NKAIN1: variants seen among roughly 807,000 people sequenced by gnomAD.
NKAIN1 encodes sodium/potassium-transporting ATPase subunit beta-1-interacting protein 1.
NKAIN1 carries 13 observed loss-of-function variants against 31.6 expected under a neutral mutation model. That is an observed-to-expected ratio of 0.41 (90% CI 0.27 to 0.65). The LOEUF (loss-of-function observed/expected upper bound fraction) is 0.65. Ranked by LOEUF, NKAIN1 falls within the 30% of genes least tolerant of loss-of-function variation. The probability of loss-of-function intolerance (pLI) is 0.30; values close to 1 mark genes in which losing one functional copy is unlikely to be tolerated. For missense variants in NKAIN1, 193 were observed against 262.2 expected, an observed-to-expected ratio of 0.74 and a Z score of 1.82; for synonymous variants, 104 against 109.0, an observed-to-expected ratio of 0.95 and a Z score of 0.28.
chr1:31,196,518 A>AAAAAC, intron 1 of NKAIN1, among the ~76,000 whole-genome samples: 1 of 147,822 alleles, frequency 6.8e-6, no homozygotes, highest in South Asian at 2.2e-4. Context: ...TACTCAAAAA[A>AAAAAC]AAAAAAAAAA....
rs150152994 is a variant in NKAIN1, at chr1:31,200,107, G to A, written c.55-11920C>T. 1.4e-3 allele frequency among the ~76,000 whole-genome samples: 209 copies of A among 152,094 alleles called. 6 individuals are homozygous for A. The East Asian group carries it at 0.032, about 23-fold the overall frequency. On this transcript the variant is annotated intron_variant, in intron 1 of 6. Transcript: ENST00000373736. Reference sequence around the variant, plus strand: ...CGCACACGCATTCACACACACGCACGCACGCACACCCCTCTCTCCTGTCTT... The same window carrying A: ...CGCACACGCATTCACACACACGCACACACGCACACCCCTCTCTCCTGTCTT...
At chr1:31,232,422 T>TAGAGAGAGAGAGAGAG (rs1645658712) in intron 1 of NKAIN1, among the ~76,000 whole-genome samples, 1 of 25,806 alleles carries the variant, frequency 3.9e-5, no homozygotes, top group African/African-American at 1.2e-4. Context: ...TATATATATA[T>TAGAGAGAGAGAGAGAG]ATAGAGAGAG....
rs182374300 is a variant in NKAIN1 at position 31,193,314 on chromosome 1, C to T, written c.55-5127G>A. On this transcript the variant is annotated intron_variant, in intron 1 of 6. Transcript: ENST00000373736. ...CCATCTCCTGACTTTGTGATCCACC[C>T]GCCTCAGCCTCCCAAAGTGCTGGGA... Among the ~76,000 whole-genome samples the T allele has an allele frequency of 4.1e-3, 623 of 151,466 alleles. 35 individuals carry two copies. In the East Asian group the frequency reaches 0.099, roughly 24 times the overall value.
At chr1:31,217,736 C>A (rs1167152580) in intron 1 of NKAIN1, among the ~76,000 whole-genome samples, 1 of 152,210 alleles carries the variant, frequency 6.6e-6, no homozygotes, top group Non-Finnish European at 1.5e-5. Flanking sequence ...CATGAAGGGC[C>A]TCAGTGCCAG....
At chr1:31,193,818 G>C (rs1408261090) in intron 1 of NKAIN1, 1 of 152,130 alleles carries the variant, frequency 6.6e-6, no homozygotes, top group Non-Finnish European at 1.5e-5. Flanking sequence ...TTTCCCACCT[G>C]GTTGCGTCAG....
chr1:31,225,871 C>T (rs1477466585), intron 1 of NKAIN1, among the ~76,000 whole-genome samples: 1 of 152,194 alleles, frequency 6.6e-6, no homozygotes, highest in Non-Finnish European at 1.5e-5. Flanking sequence ...GAGAAACTCA[C>T]ATTTCGGTGA....
At chr1:31,182,423 G>A (rs750842349) in intron 5 of NKAIN1, 107 bp downstream of exon 5, 121 of 1,277,318 alleles carry the variant, frequency 9.5e-5, no homozygotes, top group Non-Finnish European at 1.3e-5. Flanking sequence ...AAAGGGGCCC[G>A]TGGCCGACCC....
intron 5 of NKAIN1, among the ~76,000 whole-genome samples, chr1:31,182,174 A>T (rs372686486): frequency 8.8e-4 from 134 of 152,100 alleles, no homozygotes; most frequent in Middle Eastern, 3.4e-3. Flanking sequence ...AGGCCGGGCC[A>T]GCTGAGGGTC....
intron 1 of NKAIN1, among the ~76,000 whole-genome samples, chr1:31,232,676 G>A (rs1304693410): frequency 6.6e-6 from 1 of 151,322 alleles, no homozygotes; most frequent in Non-Finnish European, 1.5e-5. Context: ...AGTAGTTTGG[G>A]AGTCTCCTAC....
rs1343646808 is a variant in NKAIN1, at chr1:31,181,672, G to T, written c.*31C>A. On this transcript the variant is annotated 3_prime_UTR_variant, in exon 7 of 7. Coordinates refer to ENST00000373736, the MANE Select transcript of NKAIN1 (RefSeq NM_024522.3). ...TCGCGGCAGCTGCGGTCAGCCCAGG[G>T]CGAGGCGCCGGGGTGGGCGCGGGGC... 1 of 1,456,006 alleles carries T rather than the reference G, an allele frequency of 6.9e-7. No individual in the cohort carries two copies. The highest frequency in any genetic ancestry group is 9.1e-7 in the Non-Finnish European group (1 of 1,099,442). The allele number at this position is 1,456,006 out of a possible 1,614,324, so 90.2% of individuals were successfully genotyped here. A position where few individuals can be genotyped will look rare whatever the true frequency, so the allele number is the denominator to read the frequency against.
At chr1:31,206,015 C>G (rs553210617) in intron 1 of NKAIN1, among the ~76,000 whole-genome samples, 1 of 149,872 alleles carries the variant, frequency 6.7e-6, no homozygotes, top group South Asian at 2.1e-4. Flanking sequence ...GGGTGGATCA[C>G]CTGAGGTCAG....
chr1:31,210,634 A>G (rs1286211214), intron 1 of NKAIN1, among the ~76,000 whole-genome samples: 1 of 152,040 alleles, frequency 6.6e-6, no homozygotes, highest in African/African-American at 2.4e-5. Context: ...TTTGCACCAA[A>G]CCTAACAGTA....
At chr1:31,203,348 AG>A (rs879491795) in intron 1 of NKAIN1, among the ~76,000 whole-genome samples, 84,269 of 151,950 alleles carry the variant, frequency 0.55, 27,814 homozygotes, top group Middle Eastern at 0.83. Flanking sequence ...AGTCAATGAC[AG>A]TGCCTCCACA....
chr1:31,187,522 T>C (rs1570450470), intron 2 of NKAIN1, among the ~76,000 whole-genome samples: 1 of 152,246 alleles, frequency 6.6e-6, no homozygotes, highest in African/African-American at 2.4e-5. Flanking sequence ...TGAAGCTTCT[T>C]GAGAAACTAA....
chr1:31,191,543 ATCCCTCTCTTGAGAAGTTGTTGT>A (rs1645286205), intron 1 of NKAIN1, among the ~76,000 whole-genome samples: 1 of 152,048 alleles, frequency 6.6e-6, no homozygotes, highest in South Asian at 2.1e-4. Context: ...AGAGAAGATA[ATCCCTCTCTTGAGAAGTTGTTGT>A]GGGGATATAG....
rs115011488 is a variant in NKAIN1 at position 31,229,490 on chromosome 1, C to T, written c.54+10004G>A. Among the ~76,000 whole-genome samples the T allele has an allele frequency of 5.1e-3, 777 of 152,268 alleles. 6 individuals are homozygous for T. Among genetic ancestry groups the T allele is most frequent in the African/African-American group, 0.017 (716 of 41,538 alleles). ...CTGGGGCAAAAGCAATCCTCCCCTCCGCTTCAGTAGCTGGGACGACAGGTG... is the reference window on the plus strand; with the variant it reads ...CTGGGGCAAAAGCAATCCTCCCCTCTGCTTCAGTAGCTGGGACGACAGGTG... On this transcript the variant is annotated intron_variant, in intron 1 of 6. Coordinates refer to ENST00000373736, the MANE Select transcript of NKAIN1 (RefSeq NM_024522.3).
At chr1:31,227,591 C>T (rs1363760294) in intron 1 of NKAIN1, among the ~76,000 whole-genome samples, 1 of 152,146 alleles carries the variant, frequency 6.6e-6, no homozygotes, top group African/African-American at 2.4e-5. Flanking sequence ...TGCAGAGACC[C>T]TGCAGTCCAT....
chr1:31,185,113 A>G, intron 3 of NKAIN1, 134 bp downstream of exon 3: 1 of 683,268 alleles, frequency 1.5e-6, no homozygotes, highest in Non-Finnish European at 2.6e-6. Context: ...TGGGGCACAC[A>G]GATTATTTGG....
chr1:31,206,868 G>A (rs1353750988), intron 1 of NKAIN1, among the ~76,000 whole-genome samples: 1 of 152,066 alleles, frequency 6.6e-6, no homozygotes, highest in Non-Finnish European at 1.5e-5. Context: ...TGAGTAGCTG[G>A]GACTATAGGC....
Sources: gnomAD v4.1 joint callset for allele counts (sites outside exome capture counted in the v4.1 genomes callset) on GRCh38, gnomAD v4.1.1 for gene constraint, MANE v1.5 for transcripts, NCBI Gene and HGNC (gene_info 2026-07-23, HGNC 2026-07-21) for gene names.